DDX10: variants seen among roughly 807,000 people sequenced by gnomAD.
DDX10 encodes DEAD-box helicase 10, also known as probable ATP-dependent RNA helicase DDX10.
DDX10 carries 74 observed loss-of-function variants against 104.3 expected under a neutral mutation model. The ratio of observed to expected loss-of-function variants is 0.71; its 90% confidence interval spans 0.59 to 0.86. The LOEUF is 0.86. DDX10 is among the 40% of genes least tolerant of loss of function. DDX10 has a pLI of 0.00. For missense variants in DDX10, 952 were observed against 1,040.0 expected (o/e 0.92, Z 1.16); for synonymous variants, 351 against 353.4 (o/e 0.99, Z 0.08).
chr11:108,931,108 C>A (rs1029584383), intron 17 of DDX10, among the ~76,000 whole-genome samples: 1 of 152,256 alleles, frequency 6.6e-6, no homozygotes, highest in East Asian at 1.9e-4. Context: ...TGATAGCACC[C>A]TGTACTCCAG....
intron 17 of DDX10, chr11:108,919,431 T>C (rs2134665312): frequency 6.6e-6 from 1 of 152,338 alleles, no homozygotes; most frequent in Non-Finnish European, 1.5e-5. Flanking sequence ...CTGAGTTCCT[T>C]GGTGTATGGT....
chr11:108,819,845 C>T (rs1420467069), intron 13 of DDX10, among the ~76,000 whole-genome samples: 5 of 152,220 alleles, frequency 3.3e-5, no homozygotes, highest in Non-Finnish European at 5.9e-5. Context: ...GTGATCCACC[C>T]GCCTCGGCCT....
chr11:108,762,429 A>G (rs764210938), intron 13 of DDX10, among the ~76,000 whole-genome samples: 10 of 152,204 alleles, frequency 6.6e-5, no homozygotes, highest in Non-Finnish European at 1.0e-4. Context: ...TCCATTGTTG[A>G]TATCACTGAA....
intron 13 of DDX10, among the ~76,000 whole-genome samples, chr11:108,739,177 A>G (rs1300752251): frequency 6.6e-6 from 1 of 152,222 alleles, no homozygotes; most frequent in African/African-American, 2.4e-5. Context: ...TGAGATGTCC[A>G]TGGATGATGG....
chr11:108,734,437 A>G (rs1280864805), intron 13 of DDX10, among the ~76,000 whole-genome samples: 4 of 152,200 alleles, frequency 2.6e-5, no homozygotes, highest in Non-Finnish European at 5.9e-5. Context: ...ATTGTGTAAC[A>G]TGAAGCTTAG....
chr11:108,819,742 G>A (rs1389172585), intron 13 of DDX10, among the ~76,000 whole-genome samples: 3 of 152,070 alleles, frequency 2.0e-5, no homozygotes, highest in African/African-American at 7.2e-5. Context: ...GGGATTACAG[G>A]TGCCTGCCAC....
At chr11:108,720,602 G>C (rs4753847) in intron 12 of DDX10, among the ~76,000 whole-genome samples, 1 of 151,758 alleles carries the variant, frequency 6.6e-6, no homozygotes, top group Non-Finnish European at 1.5e-5. Flanking sequence ...GATTTTTTGC[G>C]GGGGAGGAGA....
intron 16 of DDX10, among the ~76,000 whole-genome samples, chr11:108,886,829 A>G (rs536295271): frequency 6.6e-6 from 1 of 152,330 alleles, no homozygotes; most frequent in South Asian, 2.1e-4. Flanking sequence ...AACTAATCTC[A>G]TTCATGACTG....
At chr11:108,902,878 G>A (rs1863536709) in intron 16 of DDX10, among the ~76,000 whole-genome samples, 1 of 151,946 alleles carries the variant, frequency 6.6e-6, no homozygotes, top group Non-Finnish European at 1.5e-5. Context: ...AAAAAAATTT[G>A]CACCTTTACA....
chr11:108,788,791 C>A (rs10789680), intron 13 of DDX10, among the ~76,000 whole-genome samples: 70,279 of 152,104 alleles, frequency 0.46, 19,550 homozygotes, highest in Non-Finnish European at 0.61. Flanking sequence ...TCTTACTTAG[C>A]CACACAACTC....
intron 13 of DDX10, among the ~76,000 whole-genome samples, chr11:108,758,957 C>T (rs972044944): frequency 6.6e-6 from 1 of 151,950 alleles, no homozygotes; most frequent in African/African-American, 2.4e-5. Context: ...CTAGTTAAGT[C>T]ATAATTGTGC....
intron 13 of DDX10, among the ~76,000 whole-genome samples, chr11:108,808,508 C>G: frequency 6.6e-6 from 1 of 152,064 alleles, no homozygotes; most frequent in Non-Finnish European, 1.5e-5. Flanking sequence ...CCTTTGAGAT[C>G]CTTTAGCCAC....
intron 13 of DDX10, among the ~76,000 whole-genome samples, chr11:108,775,293 G>A (rs143495047): frequency 1.3e-3 from 199 of 152,258 alleles, no homozygotes; most frequent in South Asian, 3.7e-3. Flanking sequence ...TTTTAAATGT[G>A]TCAGGTTTAC....
intron 16 of DDX10, among the ~76,000 whole-genome samples, chr11:108,884,542 C>G (rs565377775): frequency 1.8e-4 from 28 of 152,308 alleles, no homozygotes; most frequent in South Asian, 1.2e-3. Flanking sequence ...TCATTCATCT[C>G]TGCTCTTTCT....
chr11:108,782,524 A>C (rs1001950693), intron 13 of DDX10, among the ~76,000 whole-genome samples: 1 of 152,106 alleles, frequency 6.6e-6, no homozygotes, highest in African/African-American at 2.4e-5. Context: ...ATACTCATCT[A>C]CCATATCCTT....
Position 108,675,635 on chromosome 11 carries a change from A to G in DDX10, c.287A>G (p.Gln96Arg). ...CAGTACCGTTTGGTGACTGAGATAC[A>G]GAAGCAGACCATTGGATTGGCTTTG... ...EAQYRLVTEI[Q>R]KQTIGLALQG... The change falls in exon 3 of 18, where the codon CAG becomes CGG. Residue 96 changes from glutamine to arginine, a missense_variant. By Grantham distance (43) the Gln-to-Arg change is conservative. Around this residue, in one of 3 missense-constraint regions of DDX10, gnomAD observed 412 missense variants for 479.2 expected, o/e 0.86. Coordinates refer to ENST00000322536, the MANE Select transcript of DDX10 (RefSeq NM_004398.4). 2 of 1,614,198 alleles carry G rather than the reference A, an allele frequency of 1.2e-6. No homozygotes were observed. Among genetic ancestry groups the G allele is most frequent in the Non-Finnish European group, 1.7e-6 (2 of 1,180,014 alleles).
At position 108,713,362 on chromosome 11, in the gene DDX10, TC is replaced by T. The variant is rs546732533; in HGVS notation, c.1323-2516del. 1.4e-4 allele frequency among the ~76,000 whole-genome samples: 21 copies of T among 152,288 alleles called. No homozygotes were observed. In the East Asian group the frequency reaches 4.1e-3, roughly 29 times the overall value. ...GTAGTTGTTCCATAGTCCTTGAAGTTCTGTTGTGTTGTTTTCAGTCAGGTTT... is the reference window on the plus strand; with the variant it reads ...GTAGTTGTTCCATAGTCCTTGAAGTTTGTTGTGTTGTTTTCAGTCAGGTTT... On this transcript the variant is annotated intron_variant, in intron 10 of 17. Transcript: ENST00000322536.
At chr11:108,779,366 G>A (rs2094374701) in intron 13 of DDX10, among the ~76,000 whole-genome samples, 1 of 152,162 alleles carries the variant, frequency 6.6e-6, no homozygotes, top group South Asian at 2.1e-4. Context: ...CATAAAAAAG[G>A]ATGAGTTCAT....
intron 1 of DDX10, among the ~76,000 whole-genome samples, chr11:108,671,195 G>T (rs886649044): frequency 6.6e-6 from 1 of 152,152 alleles, no homozygotes; most frequent in Non-Finnish European, 1.5e-5. Context: ...GTAGAGTCTC[G>T]CTCTGTTGCC....
Sources: allele counts gnomAD v4.1 joint callset (sites outside exome capture counted in the v4.1 genomes callset), GRCh38; gene constraint gnomAD v4.1.1; regional missense constraint gnomAD v4.1.1; transcripts MANE v1.5; gene names NCBI Gene and HGNC (gene_info 2026-07-23, HGNC 2026-07-21).